PLXNA4: variants seen among roughly 807,000 people sequenced by gnomAD.
PLXNA4 encodes plexin A4.
In PLXNA4, 44 loss-of-function variants were observed where a neutral mutation model predicts 191.8. The observed-to-expected ratio is 0.23, with a 90% confidence interval of 0.18 to 0.29. PLXNA4 has a LOEUF of 0.29. Ranked by LOEUF, PLXNA4 falls within the 10% of genes least tolerant of loss-of-function variation. The pLI is 1.00. For missense variants in PLXNA4, 1,800 were observed against 2,488.8 expected (o/e 0.72, Z 5.89); for synonymous variants, 1,082 against 1,009.5 (o/e 1.07, Z -1.36).
At chr7:132,593,630 C>T (rs753865909) in intron 2 of PLXNA4, among the ~76,000 whole-genome samples, 15 of 152,190 alleles carry the variant, frequency 9.9e-5, no homozygotes, top group Non-Finnish European at 1.6e-4. Context: ...GTGGCCTCCA[C>T]GTCGTGCCAT....
In PLXNA4 at chr7:132,565,614, C is replaced by T. The variant is rs577991261; in HGVS notation, c.-87+10808G>A. Among the ~76,000 whole-genome samples the T allele has an allele frequency of 5.9e-5, 9 of 152,240 alleles. 1 individual carries two copies. Among genetic ancestry groups the T allele is most frequent in the African/African-American group, 7.2e-5 (3 of 41,542 alleles). ...GCAGGGAAACAAAGCACATGACATC[C>T]GCAGACCCAGATTCCCCTTCCGCAT... On this transcript the variant is annotated intron_variant, in intron 1 of 31. Coordinates refer to ENST00000321063, the MANE Select transcript of PLXNA4 (RefSeq NM_020911.2).
At chr7:132,634,738 C>T (rs983274444) in intron 2 of PLXNA4, among the ~76,000 whole-genome samples, 2 of 152,304 alleles carry the variant, frequency 1.3e-5, no homozygotes, top group African/African-American at 2.4e-5. Flanking sequence ...CCACCTCTCA[C>T]GTAGTCTGGG....
intron 1 of PLXNA4, among the ~76,000 whole-genome samples, chr7:132,566,288 A>T (rs929943421): frequency 1.3e-5 from 2 of 150,506 alleles, no homozygotes; most frequent in African/African-American, 4.9e-5. Flanking sequence ...ACACTCCCAC[A>T]CTCTCCCTCT....
At chr7:132,176,543 TGACAGTGTGTGAGCATGTCA>T (rs1458291108) in intron 20 of PLXNA4, among the ~76,000 whole-genome samples, 5 of 152,158 alleles carry the variant, frequency 3.3e-5, no homozygotes, top group Admixed American at 6.5e-5. Context: ...TGTGTGAGTG[TGACAGTGTGTGAGCATGTCA>T]GGGAGTGTGT....
At position 132,165,061 on chromosome 7, in the gene PLXNA4, G is replaced by A. The variant is rs926693089; in HGVS notation, c.4353+73C>T. The A allele has an allele frequency of 3.8e-6, 6 of 1,570,846 alleles. No individual in the cohort carries two copies. The African/African-American group carries it at 8.1e-5, about 21-fold the overall frequency. ...GCCCAGTAAGGGAGGACTCGGGGGT[G>A]TGGAGCGATCCCCAGTCAGGCTGCA... is the stretch of plus-strand genomic sequence containing the variant. On this transcript the variant is annotated intron_variant, in intron 23 of 31. Transcript: ENST00000321063.
intron 20 of PLXNA4, among the ~76,000 whole-genome samples, chr7:132,176,805 C>T (rs990470274): frequency 2.0e-5 from 3 of 150,930 alleles, no homozygotes; most frequent in Non-Finnish European, 3.0e-5. Flanking sequence ...TGTGAGTGTG[C>T]ATATGTGTGT....
At chr7:132,183,296 G>A (rs2116753856) in intron 16 of PLXNA4, among the ~76,000 whole-genome samples, 1 of 152,304 alleles carries the variant, frequency 6.6e-6, no homozygotes, top group Non-Finnish European at 1.5e-5. Context: ...TGCTGGAGAT[G>A]ACCTTCTGGT....
chr7:132,132,697 C>T (rs375598584), intron 31 of PLXNA4, among the ~76,000 whole-genome samples: 2 of 151,842 alleles, frequency 1.3e-5, no homozygotes, highest in Non-Finnish European at 2.9e-5. Flanking sequence ...ACCACATAGC[C>T]GGCCCATAGG....
At chr7:132,341,916 C>A (rs1803043281) in intron 3 of PLXNA4, among the ~76,000 whole-genome samples, 1 of 152,070 alleles carries the variant, frequency 6.6e-6, no homozygotes, top group South Asian at 2.1e-4. Flanking sequence ...TAGACAGCAA[C>A]TTTACCAAAT....
chr7:132,222,085 G>A (rs1169806732), intron 9 of PLXNA4, among the ~76,000 whole-genome samples: 1 of 152,130 alleles, frequency 6.6e-6, no homozygotes, highest in Non-Finnish European at 1.5e-5. Context: ...TTTCTTGTTT[G>A]CTCCCCTTGT....
At chr7:132,426,428 G>A (rs1275096832) in intron 3 of PLXNA4, among the ~76,000 whole-genome samples, 1 of 152,198 alleles carries the variant, frequency 6.6e-6, no homozygotes, top group African/African-American at 2.4e-5. Context: ...GCGCTGTCAT[G>A]TCTGCCCAAC....
chr7:132,348,290 C>A (rs1347667200), intron 3 of PLXNA4, among the ~76,000 whole-genome samples: 1 of 152,174 alleles, frequency 6.6e-6, no homozygotes, highest in Non-Finnish European at 1.5e-5. Flanking sequence ...GAGATCATAA[C>A]AATACCTACC....
intron 15 of PLXNA4, 127 bp from the exon 16 acceptor site, chr7:132,185,590 A>G (rs1796853141): frequency 7.4e-7 from 1 of 1,358,432 alleles, no homozygotes; most frequent in African/African-American, 1.5e-5. Context: ...GTGCTCTCAG[A>G]CAGAAAACTG....
At chr7:132,435,106 C>T (rs1300041245) in intron 3 of PLXNA4, among the ~76,000 whole-genome samples, 3 of 152,084 alleles carry the variant, frequency 2.0e-5, no homozygotes, top group African/African-American at 4.8e-5. Context: ...CTCTAGGACT[C>T]GAGCAGGAAG....
At chr7:132,360,667 C>A (rs1339788079) in intron 3 of PLXNA4, among the ~76,000 whole-genome samples, 1 of 152,226 alleles carries the variant, frequency 6.6e-6, no homozygotes, top group Non-Finnish European at 1.5e-5. Context: ...CCAAACCCCC[C>A]ATAGAGTTGT....
intron 10 of PLXNA4, 122 bp from the exon 11 acceptor site, chr7:132,203,541 C>T (rs1797514277): frequency 3.7e-6 from 3 of 808,668 alleles, no homozygotes; most frequent in Middle Eastern, 2.4e-4. Flanking sequence ...CAAGACTGTG[C>T]TTGTGTGCAT....
chr7:132,495,659 T>C (rs1797982290), intron 2 of PLXNA4, among the ~76,000 whole-genome samples: 2 of 152,164 alleles, frequency 1.3e-5, no homozygotes, highest in South Asian at 2.1e-4. Flanking sequence ...CTCCTGCCCT[T>C]CCTGAATGGA....
rs766538861 is a variant in PLXNA4 at position 132,194,138 on chromosome 7, G to T, written c.2780C>A (p.Ala927Glu). ...EMGEAKPSQH[A>E]GFVEICVAVC... ...AGCCACGCAGATCTCCACGAAGCCTGCATGCTGGCTGGGCTTGGCCTCCCC... is the reference window on the plus strand; with the variant it reads ...AGCCACGCAGATCTCCACGAAGCCTTCATGCTGGCTGGGCTTGGCCTCCCC... The change falls in exon 14 of 32, where the codon GCA becomes GAA. Residue 927 changes from alanine to glutamate, a missense_variant. Around this residue, in one of 6 missense-constraint regions of PLXNA4, gnomAD observed 1,397 missense variants for 1,880.4 expected, o/e 0.74. Coordinates refer to ENST00000321063, the MANE Select transcript of PLXNA4 (RefSeq NM_020911.2). The T allele has an allele frequency of 6.2e-7, 1 of 1,613,988 alleles. No homozygotes were observed. Among genetic ancestry groups the T allele is most frequent in the Admixed American group, 1.7e-5 (1 of 60,022 alleles).
chr7:132,328,150 G>A (rs552137914), intron 3 of PLXNA4, among the ~76,000 whole-genome samples: 1 of 152,274 alleles, frequency 6.6e-6, no homozygotes, highest in Admixed American at 6.5e-5. Flanking sequence ...TTAAGTGAAG[G>A]GGTCACTGGG....
Sources: allele counts gnomAD v4.1 joint callset (sites outside exome capture counted in the v4.1 genomes callset), GRCh38; gene constraint gnomAD v4.1.1; regional missense constraint gnomAD v4.1.1; transcripts MANE v1.5; gene names NCBI Gene and HGNC (gene_info 2026-07-23, HGNC 2026-07-21).